The following UNC5D variants were observed in gnomAD, a reference collection of about 807,000 sequenced individuals.
The protein encoded by UNC5D is netrin receptor UNC5D.
A neutral mutation model predicts 105.4 loss-of-function variants in UNC5D; 39 were observed. The observed-to-expected ratio is 0.37, with a 90% confidence interval of 0.29 to 0.48. The LOEUF (loss-of-function observed/expected upper bound fraction) is 0.48. Among genes scored for constraint, UNC5D ranks in the 20% least tolerant of loss-of-function variants. UNC5D has a pLI of 0.98. For synonymous variants in UNC5D, 452 were observed against 450.4 expected, an observed-to-expected ratio of 1.00 and a Z score of -0.04; for missense variants, 991 against 1,202.4, an observed-to-expected ratio of 0.82 and a Z score of 2.60.
chr8:35,387,471 C>A (rs546599902), intron 1 of UNC5D, among the ~76,000 whole-genome samples: 4 of 151,994 alleles, frequency 2.6e-5, no homozygotes, highest in Non-Finnish European at 4.4e-5. Flanking sequence ...AAACTTCCCT[C>A]CTTTGTCTCC....
At chr8:35,415,008 A>C (rs558193706) in intron 1 of UNC5D, among the ~76,000 whole-genome samples, 2 of 152,104 alleles carry the variant, frequency 1.3e-5, no homozygotes, top group Non-Finnish European at 2.9e-5. Context: ...GGGAACCTTA[A>C]GGTACCTGTG....
chr8:35,765,448 T>A (rs779253224), intron 14 of UNC5D, among the ~76,000 whole-genome samples: 111 of 152,214 alleles, frequency 7.3e-4, no homozygotes, highest in Non-Finnish European at 1.4e-3. Context: ...TCAGGATTAA[T>A]AACAAACAAA....
At position 35,518,118 on chromosome 8, in the gene UNC5D, G is replaced by GA. The variant is rs559736934; in HGVS notation, c.104-31165dup. 2.7e-3 allele frequency among the ~76,000 whole-genome samples: 411 copies of GA among 149,494 alleles called. 3 individuals carry two copies. The highest frequency in any genetic ancestry group is 9.2e-3 in the African/African-American group (374 of 40,812). On this transcript the variant is annotated intron_variant, in intron 1 of 16. Coordinates refer to ENST00000404895, the MANE Select transcript of UNC5D (RefSeq NM_080872.4). Reference sequence around the variant, plus strand: ...TTGCCTGAGAACTTTTTAAAATACTGAAAAAAAAAGCACTTGTGTATCTTT... The same window carrying GA: ...TTGCCTGAGAACTTTTTAAAATACTGAAAAAAAAAAGCACTTGTGTATCTTT...
intron 2 of UNC5D, among the ~76,000 whole-genome samples, chr8:35,556,920 C>CCACCTTTGCTGCTACT (rs1816592513): frequency 2.0e-5 from 3 of 152,168 alleles, no homozygotes; most frequent in Non-Finnish European, 2.9e-5. Flanking sequence ...CTGGTTTGAA[C>CCACCTTTGCTGCTACT]ACCTTTGATA....
chr8:35,790,107 C>T (rs1191279089), intron 16 of UNC5D, among the ~76,000 whole-genome samples: 2 of 152,074 alleles, frequency 1.3e-5, no homozygotes, highest in East Asian at 1.9e-4. Context: ...GAGCAAGACC[C>T]TGTATCTAAA....
intron 13 of UNC5D, among the ~76,000 whole-genome samples, chr8:35,755,533 T>C (rs887641276): frequency 4.6e-5 from 7 of 152,152 alleles, no homozygotes; most frequent in Middle Eastern, 6.8e-3. Flanking sequence ...ATATGTAAAT[T>C]TAGCCTGCTT....
rs1238553056 is a variant in UNC5D at position 35,360,543 on chromosome 8, A to G, written c.103+124656A>G. Among the ~76,000 whole-genome samples the G allele has an allele frequency of 5.3e-5, 8 of 151,906 alleles. 1 individual carries two copies. The highest frequency in any genetic ancestry group is 5.3e-4 in the Admixed American group (8 of 15,228). On this transcript the variant is annotated intron_variant, in intron 1 of 16. Transcript: ENST00000404895. ...TGCTGAGTGTGTTCCAGAATTCTAT[A>G]ATCTGTCTTGTTTTAGTGCATCGTC...
intron 1 of UNC5D, among the ~76,000 whole-genome samples, chr8:35,357,377 C>G (rs1344807327): frequency 6.6e-6 from 1 of 152,170 alleles, no homozygotes; most frequent in African/African-American, 2.4e-5. Context: ...CCCTAACAAG[C>G]TTTGCTCATT....
At chr8:35,755,768 A>C (rs1292717980) in intron 13 of UNC5D, among the ~76,000 whole-genome samples, 1 of 152,188 alleles carries the variant, frequency 6.6e-6, no homozygotes, top group Non-Finnish European at 1.5e-5. Context: ...CCTGTTTCCT[A>C]GTTCCATTAA....
intron 1 of UNC5D, among the ~76,000 whole-genome samples, chr8:35,312,015 G>A (rs1808926829): frequency 6.6e-6 from 1 of 152,050 alleles, no homozygotes; most frequent in South Asian, 2.1e-4. Context: ...TTGGAATCAG[G>A]GCTTTTATGC....
chr8:35,307,035 G>T (rs1443723074), intron 1 of UNC5D, among the ~76,000 whole-genome samples: 1 of 151,936 alleles, frequency 6.6e-6, no homozygotes, highest in African/African-American at 2.4e-5. Flanking sequence ...CAATCTTTTG[G>T]CTTCCCTGGG....
intron 8 of UNC5D, among the ~76,000 whole-genome samples, chr8:35,719,141 TAC>T (rs57660135): frequency 0.054 from 7,230 of 133,018 alleles, 228 homozygotes; most frequent in African/African-American, 0.097. Flanking sequence ...CATGTGCTTA[TAC>T]ACACACACAC....
chr8:35,426,184 C>G (rs934753724), intron 1 of UNC5D, among the ~76,000 whole-genome samples: 1 of 152,130 alleles, frequency 6.6e-6, no homozygotes, highest in Non-Finnish European at 1.5e-5. Flanking sequence ...TTCCCACCAC[C>G]ATCAAAATAT....
At chr8:35,296,352 C>T (rs1807487881) in intron 1 of UNC5D, among the ~76,000 whole-genome samples, 2 of 152,126 alleles carry the variant, frequency 1.3e-5, no homozygotes, top group African/African-American at 4.8e-5. Flanking sequence ...AGTAGCCATC[C>T]TAATAGGTGT....
intron 3 of UNC5D, among the ~76,000 whole-genome samples, chr8:35,573,737 G>A (rs1418288111): frequency 1.3e-5 from 2 of 152,142 alleles, no homozygotes; most frequent in African/African-American, 2.4e-5. Context: ...GTGTGTGTGT[G>A]TACACATGCA....
intron 11 of UNC5D, among the ~76,000 whole-genome samples, chr8:35,747,532 T>C (rs563122594): frequency 9.8e-4 from 150 of 152,312 alleles, no homozygotes; most frequent in African/African-American, 3.6e-3. Flanking sequence ...TCCCGTAGCA[T>C]TGCTCTATAT....
At chr8:35,243,155 G>T (rs540437848) in intron 1 of UNC5D, among the ~76,000 whole-genome samples, 3 of 152,238 alleles carry the variant, frequency 2.0e-5, no homozygotes, top group African/African-American at 7.2e-5. Flanking sequence ...GGCCATGGAT[G>T]ATAGTAATTC....
chr8:35,651,046 C>G (rs1823372989), intron 4 of UNC5D, among the ~76,000 whole-genome samples: 4 of 152,172 alleles, frequency 2.6e-5, no homozygotes. Flanking sequence ...ATGGGATATT[C>G]ATGGGGTCTG....
intron 10 of UNC5D, among the ~76,000 whole-genome samples, chr8:35,728,095 A>AAAAAAAAAAAAAATATATAT (rs34672872): frequency 5.4e-5 from 6 of 110,364 alleles, no homozygotes; most frequent in African/African-American, 3.3e-4. Context: ...AAAAAAAAAA[A>AAAAAAAAAAAAAATATATAT]ATATATATAT....
Sources: gnomAD v4.1 joint callset for allele counts (sites outside exome capture counted in the v4.1 genomes callset) on GRCh38, gnomAD v4.1.1 for gene constraint, MANE v1.5 for transcripts, NCBI Gene and HGNC (gene_info 2026-07-23, HGNC 2026-07-21) for gene names.